Variants in PRPF8 observed in about 807,000 individuals in gnomAD.
PRPF8 encodes the protein pre-mRNA processing factor 8.
In PRPF8, 64 loss-of-function variants were observed where a neutral mutation model predicts 285.9. That is an observed-to-expected ratio of 0.22 (90% CI 0.18 to 0.28). The LOEUF is 0.28. PRPF8 is among the 10% of genes least tolerant of loss of function. The probability of loss-of-function intolerance (pLI) is 1.00; values close to 1 mark genes in which losing one functional copy is unlikely to be tolerated. For missense variants in PRPF8, 1,426 were observed against 3,026.7 expected, an observed-to-expected ratio of 0.47 and a Z score of 12.41; for synonymous variants, 1,325 against 1,118.2, an observed-to-expected ratio of 1.18 and a Z score of -3.69.
At chr17:1,655,627 A>AT (rs559662357) in intron 36 of PRPF8, 84 bp from the exon 37 acceptor site, 53,477 of 895,930 alleles carry the variant, frequency 0.06, no homozygotes, top group East Asian at 0.07. Context: ...AAACCCAAGA[A>AT]TTTTTTTTTT....
rs780597531 is a variant in PRPF8, at chr17:1,675,143, G to A, written c.3060+9C>T. 1.2e-6 allele frequency: 2 copies of A among 1,613,054 alleles called. No homozygotes were observed. The highest frequency in any genetic ancestry group is 2.2e-5 in the East Asian group (1 of 44,890). Reference sequence around the variant, plus strand: ...CACACAATTCCATGCTACTGCGCCTGAGACGCACCTTATAGTTGATGACGA... The same window carrying A: ...CACACAATTCCATGCTACTGCGCCTAAGACGCACCTTATAGTTGATGACGA... On this transcript the variant is annotated intron_variant, in intron 20 of 42. Transcript: ENST00000304992. This position sits in a 1 kb window ranked among gnomAD's most constrained non-coding sequence, Gnocchi z 6.0.
At chr17:1,669,355 T>G (rs554167095) in intron 24 of PRPF8, among the ~76,000 whole-genome samples, 8 of 152,352 alleles carry the variant, frequency 5.3e-5, no homozygotes, top group Non-Finnish European at 7.3e-5. Flanking sequence ...TTCACCCACC[T>G]TGGCCTCCCA....
At chr17:1,654,549 G>C (rs1911251497) in intron 37 of PRPF8, 1 of 226,254 alleles carries the variant, frequency 4.4e-6, no homozygotes. Flanking sequence ...CCAAGAGTCA[G>C]ACTGAAGCCC....
At chr17:1,652,549 T>C (rs567229650) in intron 39 of PRPF8, among the ~76,000 whole-genome samples, 125 of 152,196 alleles carry the variant, frequency 8.2e-4, no homozygotes, top group African/African-American at 2.8e-3. Flanking sequence ...AAGTTATGCA[T>C]CTTTTCTCTT....
rs745824859 is a variant in PRPF8, at chr17:1,682,054, T to A, written c.435-16A>T. The A allele has an allele frequency of 4.3e-6, 7 of 1,613,462 alleles. No individual in the cohort carries two copies. Among genetic ancestry groups the A allele is most frequent in the Non-Finnish European group, 5.9e-6 (7 of 1,179,728 alleles). On this transcript the variant is annotated splice_polypyrimidine_tract_variant and intron_variant, in intron 4 of 42. Transcript: ENST00000304992. ...CCACATTGACCTGGAAGGCAAGACATCACACAACCATTTCTACCCACTGCC... is the reference window on the plus strand; with the variant it reads ...CCACATTGACCTGGAAGGCAAGACAACACACAACCATTTCTACCCACTGCC...
At position 1,661,377 on chromosome 17, in the gene PRPF8, G is replaced by T; in HGVS notation, c.4232C>A (p.Ser1411Ter). The T allele has an allele frequency of 6.2e-7, 1 of 1,614,198 alleles. No individual in the cohort carries two copies. The highest frequency in any genetic ancestry group is 8.5e-7 in the Non-Finnish European group (1 of 1,180,048). Residue 1411 changes from serine (S) to a stop codon, truncating the protein, a stop_gained, in exon 27 of 43, where the codon TCA becomes TAA. Coordinates refer to ENST00000304992, the MANE Select transcript of PRPF8 (RefSeq NM_006445.4). LOFTEE classifies it high-confidence loss of function. The surrounding 1 kb of genome is among the most constrained non-coding windows in gnomAD (Gnocchi z 7.3). ...RRLTLEDLED[S>*]WDRGIPRINT... ...GATTCGAGGAATGCCACGATCCCAT[G>T]AATCTTCTAGGTCTTCTAAAGTCAG...
At chr17:1,664,606 G>C (rs1911855120) in intron 24 of PRPF8, among the ~76,000 whole-genome samples, 1 of 138,792 alleles carries the variant, frequency 7.2e-6, no homozygotes. Flanking sequence ...CAGGAGTTTG[G>C]GTCCAACCTA....
intron 37 of PRPF8, chr17:1,654,612 C>G: frequency 5.6e-6 from 1 of 179,898 alleles, no homozygotes; most frequent in South Asian, 1.2e-4. Context: ...ATCTCTCTTC[C>G]TCGAGACTCT....
chr17:1,676,260 C>T lies in PRPF8; in HGVS notation c.2499G>A (p.Lys833=). 1 of 1,614,016 alleles carries T rather than the reference C, an allele frequency of 6.2e-7. No homozygotes were observed. The highest frequency in any genetic ancestry group is 1.1e-5 in the South Asian group (1 of 91,082). ...CCAAGATGAGCAACTTGGTGTCATG[C>T]TTATAGGAGAGTGGGGGGAATGGGA... The part of the protein sequence containing the change: ...SPIPFPPLSY[K]HDTKLLILAL... Residue 833 remains lysine (K), a synonymous_variant, in exon 17 of 43, where the codon AAG becomes AAA. Transcript: ENST00000304992. The surrounding 1 kb of genome is among the most constrained non-coding windows in gnomAD (Gnocchi z 6.3).
intron 14 of PRPF8, 79 bp from the exon 15 acceptor site, chr17:1,677,251 C>T: frequency 7.3e-7 from 1 of 1,361,680 alleles, no homozygotes; most frequent in Non-Finnish European, 1.0e-6. Flanking sequence ...ATGCTCCTCA[C>T]TCATTATGGT....
At chr17:1,654,044 A>G in intron 37 of PRPF8, 28 bp from the exon 38 acceptor site, 3 of 1,614,084 alleles carry the variant, frequency 1.9e-6, no homozygotes, top group Non-Finnish European at 2.5e-6. Context: ...GTTATATTAC[A>G]AGGATCCCTT....
Position 1,661,567 on chromosome 17 carries a change from C to T in PRPF8, c.4202+44G>A. The T allele has an allele frequency of 6.2e-7, 1 of 1,611,930 alleles. No individual in the cohort carries two copies. The highest frequency in any genetic ancestry group is 1.1e-5 in the South Asian group (1 of 91,008). ...GAACTCCACACGGTTCAAAGGCCAC[C>T]ACTGCCCCTGCCCCAGGGTTGGCAT... is the stretch of plus-strand genomic sequence containing the variant. On this transcript the variant is annotated intron_variant, in intron 26 of 42. Transcript: ENST00000304992. The surrounding 1 kb of genome is among the most constrained non-coding windows in gnomAD (Gnocchi z 7.3).
chr17:1,681,083 C>CT (rs111281280), intron 6 of PRPF8, 29 bp from the exon 7 acceptor site: 33,277 of 1,155,560 alleles, frequency 0.029, no homozygotes, highest in East Asian at 0.035. Flanking sequence ...AATAAGCAGA[C>CT]TTTTTTTTTT....
chr17:1,681,597 C>A lies in PRPF8; in HGVS notation c.747G>T (p.Leu249Phe). ...YRLANQLLTD[L>F]VDDNYFYLFD... is the part of the protein sequence containing the mutation. Reference sequence around the variant, plus strand: ...ACAGGTAGAAGTAGTTGTCATCCACCAAGTCTGTCAGGAGCTGATTAGCCA... The same window carrying A: ...ACAGGTAGAAGTAGTTGTCATCCACAAAGTCTGTCAGGAGCTGATTAGCCA... The change falls in exon 6 of 43, where the codon TTG becomes TTT. Residue 249 changes from leucine to phenylalanine, a missense_variant. Physicochemically the swap from Leu to Phe is conservative, Grantham distance 22. Coordinates refer to ENST00000304992, the MANE Select transcript of PRPF8 (RefSeq NM_006445.4). 6.2e-7 allele frequency: 1 copy of A among 1,613,968 alleles called. No individual in the cohort carries two copies. The highest frequency in any genetic ancestry group is 8.5e-7 in the Non-Finnish European group (1 of 1,179,896).
chr17:1,677,350 T>A, intron 14 of PRPF8, 178 bp from the exon 15 acceptor site: 2 of 962,850 alleles, frequency 2.1e-6, no homozygotes, highest in Admixed American at 4.1e-5. Flanking sequence ...ACTATGCTTC[T>A]GAGGAATTTC....
Position 1,679,250 on chromosome 17 carries a change from T to C in PRPF8, c.1409+41A>G. The stretch of plus-strand genomic sequence containing the variant: ...GAGTAAGAGTCAGCCTACTGATATC[T>C]CTGGAACAGAAGTCTGCGCAGGGCC... On this transcript the variant is annotated intron_variant, in intron 10 of 42. Coordinates refer to ENST00000304992, the MANE Select transcript of PRPF8 (RefSeq NM_006445.4). The surrounding 1 kb of genome is among the most constrained non-coding windows in gnomAD (Gnocchi z 4.7). The C allele has an allele frequency of 6.2e-7, 1 of 1,614,152 alleles. No individual in the cohort carries two copies. Among genetic ancestry groups the C allele is most frequent in the Non-Finnish European group, 8.5e-7 (1 of 1,180,032 alleles).
chr17:1,666,090 C>T (rs1272506641), intron 24 of PRPF8, among the ~76,000 whole-genome samples: 12 of 151,070 alleles, frequency 7.9e-5, no homozygotes, highest in African/African-American at 2.4e-4. Flanking sequence ...GGCGTGAACC[C>T]GGGAGACGGA....
In PRPF8 at chr17:1,676,373, G is replaced by A. The variant is rs1356860403; in HGVS notation, c.2389-3C>T. ...TCCGCTGTGATGTAAGGCCCGTCCT[G>A]TAAGGTGGACATGAAATTAGCCTCC... On this transcript the variant is annotated splice_region_variant and splice_polypyrimidine_tract_variant and intron_variant, in intron 16 of 42. Coordinates refer to ENST00000304992, the MANE Select transcript of PRPF8 (RefSeq NM_006445.4). The surrounding 1 kb of genome is among the most constrained non-coding windows in gnomAD (Gnocchi z 6.3). 3.1e-6 allele frequency: 5 copies of A among 1,614,060 alleles called. No individual in the cohort carries two copies. Among genetic ancestry groups the A allele is most frequent in the African/African-American group, 2.7e-5 (2 of 74,922 alleles).
intron 20 of PRPF8, 80 bp from the exon 21 acceptor site, chr17:1,674,760 CT>C: frequency 6.9e-7 from 1 of 1,448,596 alleles, no homozygotes; most frequent in Non-Finnish European, 9.7e-7. Flanking sequence ...TTGTTCTCCC[CT>C]CAGCAAATTC....
Sources: gnomAD v4.1 joint callset for allele counts (sites outside exome capture counted in the v4.1 genomes callset) on GRCh38, gnomAD v4.1.1 for gene constraint, Gnocchi (gnomAD v3.1) non-coding constraint, MANE v1.5 for transcripts, NCBI Gene and HGNC (gene_info 2026-07-23, HGNC 2026-07-21) for gene names.